The following SEMA5B variants were observed in gnomAD, a reference collection of about 807,000 sequenced individuals.
SEMA5B encodes the protein semaphorin-5B.
In SEMA5B, 66 loss-of-function variants were observed where a neutral mutation model predicts 135.0. That is an observed-to-expected ratio of 0.49 (90% CI 0.40 to 0.60). SEMA5B has a LOEUF of 0.60. Among genes scored for constraint, SEMA5B ranks in the 20% least tolerant of loss-of-function variants. The pLI is 0.00. For missense variants in SEMA5B, 1,501 were observed against 1,566.3 expected, an observed-to-expected ratio of 0.96 and a Z score of 0.70; for synonymous variants, 690 against 639.5, an observed-to-expected ratio of 1.08 and a Z score of -1.19.
chr3:123,023,210 A>G, intron 1 of SEMA5B, among the ~76,000 whole-genome samples: 1 of 152,232 alleles, frequency 6.6e-6, no homozygotes, highest in Middle Eastern at 3.2e-3. Flanking sequence ...TACATTTAAG[A>G]CCAAGTTAGT....
At chr3:122,928,653 C>T in intron 6 of SEMA5B, 38 bp from the exon 7 acceptor site, 1 of 1,434,060 alleles carries the variant, frequency 7.0e-7, no homozygotes, top group East Asian at 2.5e-5. Context: ...GCACAGCTCT[C>T]CAGGTGCGAT....
In SEMA5B at chr3:122,928,088, T is replaced by C. The variant is rs1040432177; in HGVS notation, c.637-85A>G. On this transcript the variant is annotated intron_variant, in intron 7 of 22. Transcript: ENST00000357599. ...TCCATCTGAGTTTTGTTTCCTCCTG[T>C]GCCCCAGTCTCTCTGGGCCTCTCCC... is the stretch of plus-strand genomic sequence containing the variant. 64 of 976,366 alleles carry C rather than the reference T, an allele frequency of 6.6e-5. No individual in the cohort carries two copies. In the African/African-American group the frequency reaches 9.0e-4, roughly 14 times the overall value. 60.5% of individuals were successfully genotyped at this position (976,366 alleles called of 1,614,324 possible).
At chr3:122,960,940 G>A (rs1464513259) in intron 2 of SEMA5B, among the ~76,000 whole-genome samples, 200 bp downstream of exon 2, 3 of 152,134 alleles carry the variant, frequency 2.0e-5, no homozygotes, top group Non-Finnish European at 4.4e-5. Flanking sequence ...ACTGAACCGT[G>A]GACTTAAAAA....
intron 2 of SEMA5B, among the ~76,000 whole-genome samples, chr3:122,956,706 CG>C (rs755525849): frequency 1.3e-5 from 2 of 152,122 alleles, no homozygotes; most frequent in Admixed American, 6.5e-5. Flanking sequence ...CAGACCACCC[CG>C]GGGTGGGTAG....
chr3:122,921,451 C>G (rs1286693447), intron 12 of SEMA5B, among the ~76,000 whole-genome samples: 1 of 152,198 alleles, frequency 6.6e-6, no homozygotes, highest in Admixed American at 6.5e-5. Context: ...CTCTCTACCT[C>G]TTCTAAGGAA....
At chr3:122,988,782 C>T (rs979512996) in intron 1 of SEMA5B, among the ~76,000 whole-genome samples, 5 of 152,366 alleles carry the variant, frequency 3.3e-5, no homozygotes, top group South Asian at 2.1e-4. Flanking sequence ...CTCTCATGCC[C>T]GTGAGGGCTA....
intron 1 of SEMA5B, among the ~76,000 whole-genome samples, chr3:122,968,561 G>C (rs140757768): frequency 6.6e-6 from 1 of 152,034 alleles, no homozygotes; most frequent in African/African-American, 2.4e-5. Flanking sequence ...TCCAACGCCC[G>C]CCCCAACACT....
chr3:123,006,083 T>C (rs1392653451), intron 1 of SEMA5B, among the ~76,000 whole-genome samples: 2 of 152,208 alleles, frequency 1.3e-5, no homozygotes, highest in Non-Finnish European at 2.9e-5. Context: ...GTGACTGTGC[T>C]CTGTCAACCT....
intron 1 of SEMA5B, among the ~76,000 whole-genome samples, chr3:122,998,332 A>C (rs1576400372): frequency 6.6e-6 from 1 of 151,652 alleles, no homozygotes. Flanking sequence ...GTAGAGCGGA[A>C]AGGACGGGGC....
Position 122,967,504 on chromosome 3 carries a change from C to T in SEMA5B, c.-38-6203G>A, listed in dbSNP as rs562321380. Among the ~76,000 whole-genome samples, 172 of 152,292 alleles carry T rather than the reference C, an allele frequency of 1.1e-3. 1 individual carries two copies. Among genetic ancestry groups the T allele is most frequent in the African/African-American group, 3.9e-3 (163 of 41,572 alleles). On this transcript the variant is annotated intron_variant, in intron 1 of 22. Transcript: ENST00000357599. ...CCTGCAACCTTCTCCAGAGGCCTGCCCTTAACCCAGTGCAGACTCCTGGAG... is the reference window on the plus strand; with the variant it reads ...CCTGCAACCTTCTCCAGAGGCCTGCTCTTAACCCAGTGCAGACTCCTGGAG...
At chr3:122,930,913 T>C (rs912486064) in intron 5 of SEMA5B, among the ~76,000 whole-genome samples, 2 of 152,214 alleles carry the variant, frequency 1.3e-5, no homozygotes, top group African/African-American at 4.8e-5. Context: ...AAGCTCTTTC[T>C]GCTACATCCT....
Position 122,956,091 on chromosome 3 carries a change from C to T in SEMA5B, c.124+5049G>A, listed in dbSNP as rs532140736. Reference sequence around the variant, plus strand: ...AGATGGCCAGTGCCTTGCCCTGCCTCGGGCCTGCTTGGCATTGGAGCTGGG... The same window carrying T: ...AGATGGCCAGTGCCTTGCCCTGCCTTGGGCCTGCTTGGCATTGGAGCTGGG... On this transcript the variant is annotated intron_variant, in intron 2 of 22. Coordinates refer to ENST00000357599, the MANE Select transcript of SEMA5B (RefSeq NM_001031702.4). Among the ~76,000 whole-genome samples the T allele has an allele frequency of 7.9e-5, 12 of 152,348 alleles. No individual in the cohort carries two copies. In the South Asian group the frequency reaches 1.7e-3, roughly 21 times the overall value.
chr3:122,935,682 C>CTTTCTTTCTTTTTTTTTTTTT, intron 5 of SEMA5B, among the ~76,000 whole-genome samples: 1 of 70,740 alleles, frequency 1.4e-5, no homozygotes, highest in Non-Finnish European at 2.7e-5. Flanking sequence ...CTTTTTCTTT[C>CTTTCTTTCTTTTTTTTTTTTT]TTTCTTTTTT....
rs997747903 is a variant in SEMA5B at position 122,945,710 on chromosome 3, G to A, written c.329-2175C>T. 2.0e-5 allele frequency among the ~76,000 whole-genome samples: 3 copies of A among 152,122 alleles called. No individual in the cohort carries two copies. The East Asian group carries it at 5.8e-4, about 29-fold the overall frequency. On this transcript the variant is annotated intron_variant, in intron 3 of 22. Coordinates refer to ENST00000357599, the MANE Select transcript of SEMA5B (RefSeq NM_001031702.4). ...AGCTAAATGAGGGAGGAGGTGGCAT[G>A]ACGGGTCTGCAGTAGATACTCCATC...
At chr3:122,992,017 G>A (rs1436450250) in intron 1 of SEMA5B, among the ~76,000 whole-genome samples, 1 of 152,068 alleles carries the variant, frequency 6.6e-6, no homozygotes, top group African/African-American at 2.4e-5. Flanking sequence ...TATTCCCGGA[G>A]GCAGCCCAAG....
intron 12 of SEMA5B, among the ~76,000 whole-genome samples, chr3:122,920,409 G>A (rs755090296): frequency 7.3e-5 from 10 of 136,742 alleles, no homozygotes; most frequent in African/African-American, 1.5e-4. Context: ...TGGAGAACAA[G>A]CCATATGTGA....
intron 12 of SEMA5B, 56 bp downstream of exon 12, chr3:122,921,859 C>T: frequency 2.1e-6 from 3 of 1,451,328 alleles, no homozygotes; most frequent in Non-Finnish European, 1.8e-6. Flanking sequence ...AAAGCCCCGC[C>T]TCTTAAGCGC....
chr3:122,966,937 T>C (rs868374148), intron 1 of SEMA5B, among the ~76,000 whole-genome samples: 1 of 149,876 alleles, frequency 6.7e-6, no homozygotes, highest in Non-Finnish European at 1.5e-5. Flanking sequence ...CAGGCTGGAA[T>C]GCAATGGTGC....
intron 1 of SEMA5B, among the ~76,000 whole-genome samples, chr3:122,995,991 T>C (rs901360237): frequency 1.3e-5 from 2 of 152,250 alleles, no homozygotes; most frequent in East Asian, 3.8e-4. Context: ...GCTCTTAAGA[T>C]GGCTTGGAGG....
Sources: gnomAD v4.1 joint callset for allele counts (sites outside exome capture counted in the v4.1 genomes callset) on GRCh38, gnomAD v4.1.1 for gene constraint, MANE v1.5 for transcripts, NCBI Gene and HGNC (gene_info 2026-07-23, HGNC 2026-07-21) for gene names.